Variants in RAD51B observed in about 807,000 individuals in gnomAD.
RAD51B encodes RAD51 paralog B, also known as DNA repair protein RAD51 homolog 2.
In RAD51B, 38 loss-of-function variants were observed where a neutral mutation model predicts 42.2. That is an observed-to-expected ratio of 0.90 (90% confidence interval 0.70 to 1.18). The LOEUF (loss-of-function observed/expected upper bound fraction) is 1.18. Among genes scored for constraint, RAD51B ranks in the 50% most tolerant of loss-of-function variants. The pLI, the probability that RAD51B is intolerant of heterozygous loss-of-function variation, is 0.00. For missense variants in RAD51B, 373 were observed against 400.7 expected (o/e 0.93, Z 0.59); for synonymous variants, 154 against 145.2 (o/e 1.06, Z -0.43).
At chr14:68,444,787 A>G (rs1314113462) in intron 9 of RAD51B, among the ~76,000 whole-genome samples, 2 of 152,190 alleles carry the variant, frequency 1.3e-5, no homozygotes, top group African/African-American at 4.8e-5. Context: ...TGATTTTAGT[A>G]AACCAGTTTT....
chr14:67,824,409 C>T (rs1409971812), intron 2 of RAD51B, among the ~76,000 whole-genome samples: 1 of 152,124 alleles, frequency 6.6e-6, no homozygotes, highest in Non-Finnish European at 1.5e-5. Flanking sequence ...AGGCACATGC[C>T]ACCACACCCA....
At chr14:68,541,317 G>A (rs770992232) in intron 10 of RAD51B, 94 of 985,368 alleles carry the variant, frequency 9.5e-5, no homozygotes, top group Non-Finnish European at 1.1e-4. Context: ...AAGGAGAACT[G>A]GCTCTAACAG....
chr14:68,581,318 A>G (rs1192352891), intron 10 of RAD51B, among the ~76,000 whole-genome samples: 1 of 152,206 alleles, frequency 6.6e-6, no homozygotes, highest in Non-Finnish European at 1.5e-5. Flanking sequence ...AATGCCGTAC[A>G]GTGTGCTGTG....
intron 5 of RAD51B, among the ~76,000 whole-genome samples, chr14:67,884,015 C>A (rs920613160): frequency 6.6e-6 from 1 of 152,112 alleles, no homozygotes; most frequent in Non-Finnish European, 1.5e-5. Context: ...CAAAAAAGAT[C>A]TTTGCAATGA....
At chr14:68,620,646 A>G (rs1891926492) in intron 10 of RAD51B, among the ~76,000 whole-genome samples, 1 of 152,222 alleles carries the variant, frequency 6.6e-6, no homozygotes, top group Non-Finnish European at 1.5e-5. Context: ...TTGTTAATTA[A>G]TACCCCAAAT....
At chr14:68,680,932 GT>G (rs1415962383) in intron 11 of RAD51B, among the ~76,000 whole-genome samples, 1 of 152,014 alleles carries the variant, frequency 6.6e-6, no homozygotes, top group African/African-American at 2.4e-5. Flanking sequence ...AGTTTGGGGT[GT>G]TTTTTTAAGA....
At chr14:68,487,419 C>G (rs976033267) in intron 10 of RAD51B, among the ~76,000 whole-genome samples, 1 of 152,010 alleles carries the variant, frequency 6.6e-6, no homozygotes, top group Non-Finnish European at 1.5e-5. Flanking sequence ...CACCATGAGG[C>G]TAGGACCTCA....
intron 10 of RAD51B, among the ~76,000 whole-genome samples, chr14:68,593,117 A>C (rs1950741004): frequency 6.6e-6 from 1 of 152,206 alleles, no homozygotes; most frequent in African/African-American, 2.4e-5. Flanking sequence ...GCGGAACTGG[A>C]ACTGATTTAT....
chr14:68,143,230 G>A (rs570483662), intron 7 of RAD51B, among the ~76,000 whole-genome samples: 106 of 152,238 alleles, frequency 7.0e-4, no homozygotes, highest in African/African-American at 2.3e-3. Flanking sequence ...GATCAGGCTG[G>A]GTTAGATGAT....
chr14:68,355,708 T>G (rs2082885434), intron 8 of RAD51B, among the ~76,000 whole-genome samples: 1 of 152,216 alleles, frequency 6.6e-6, no homozygotes, highest in South Asian at 2.1e-4. Flanking sequence ...AAAGTCAATT[T>G]AAATCCTACT....
intron 7 of RAD51B, among the ~76,000 whole-genome samples, chr14:68,133,359 T>C (rs1379692431): frequency 2.0e-5 from 3 of 152,246 alleles, no homozygotes; most frequent in Non-Finnish European, 2.9e-5. Flanking sequence ...GAAAATGTTT[T>C]ATTTTCTAAA....
At chr14:68,276,657 T>A (rs11849295) in intron 7 of RAD51B, among the ~76,000 whole-genome samples, 1 of 152,116 alleles carries the variant, frequency 6.6e-6, no homozygotes, top group Non-Finnish European at 1.5e-5. Flanking sequence ...GGAATTAGTA[T>A]GGAACTGGAG....
At chr14:68,642,654 G>A (rs771431614) in intron 10 of RAD51B, among the ~76,000 whole-genome samples, 1 of 151,862 alleles carries the variant, frequency 6.6e-6, no homozygotes, top group Non-Finnish European at 1.5e-5. Flanking sequence ...TCCTTCCTTG[G>A]GATTTAATTT....
chr14:68,660,668 A>G (rs17756800), intron 11 of RAD51B, among the ~76,000 whole-genome samples: 10,382 of 152,286 alleles, frequency 0.068, 502 homozygotes, highest in Middle Eastern at 0.13. Context: ...AAGTGGGAAC[A>G]CACAGGAAAT....
chr14:68,051,681 C>G (rs1393696925), intron 7 of RAD51B, among the ~76,000 whole-genome samples: 2 of 151,880 alleles, frequency 1.3e-5, no homozygotes, highest in Non-Finnish European at 2.9e-5. Flanking sequence ...TCACTGTAAC[C>G]TCAGACTCCT....
At position 68,548,767 on chromosome 14, in the gene RAD51B, C is replaced by A. The variant is rs138808621; in HGVS notation, c.1037-45718C>A. Among the ~76,000 whole-genome samples, 411 of 152,292 alleles carry A rather than the reference C, an allele frequency of 2.7e-3. 3 individuals are homozygous for A. The highest frequency in any genetic ancestry group is 9.3e-3 in the African/African-American group (385 of 41,564). On this transcript the variant is annotated intron_variant, in intron 10 of 10. Transcript: ENST00000487270. ...CTAAGACAATGCCCAAGGCTGATGA[C>A]CCAGGATTATCCCCCCACCCAGGGC...
intron 8 of RAD51B, among the ~76,000 whole-genome samples, chr14:68,314,484 C>T (rs1196986634): frequency 2.0e-5 from 3 of 152,206 alleles, no homozygotes; most frequent in African/African-American, 7.2e-5. Context: ...TCTGATTTTA[C>T]ATTTGGCTGC....
intron 10 of RAD51B, among the ~76,000 whole-genome samples, chr14:68,583,764 C>A (rs892005567): frequency 6.6e-6 from 1 of 152,198 alleles, no homozygotes; most frequent in Non-Finnish European, 1.5e-5. Context: ...GTGATCCACC[C>A]ACAACTTGGC....
chr14:68,112,121 T>G (rs958392778), intron 7 of RAD51B, among the ~76,000 whole-genome samples: 1 of 152,106 alleles, frequency 6.6e-6, no homozygotes, highest in East Asian at 1.9e-4. Context: ...GGGGCTTTAC[T>G]GTGGAAGCAT....
Sources: allele counts gnomAD v4.1 joint callset (sites outside exome capture counted in the v4.1 genomes callset), GRCh38; gene constraint gnomAD v4.1.1; transcripts MANE v1.5; gene names NCBI Gene and HGNC (gene_info 2026-07-23, HGNC 2026-07-21).